The following CEP112 variants were observed in gnomAD, a reference collection of about 807,000 sequenced individuals.
CEP112 encodes the protein centrosomal protein of 112 kDa.
Under a neutral mutation model 153.0 loss-of-function variants are expected in CEP112, and 127 were observed. The ratio of observed to expected loss-of-function variants is 0.83; its 90% CI spans 0.72 to 0.96. The LOEUF is 0.96. CEP112 is among the 40% of genes least tolerant of loss of function. CEP112 has a pLI of 0.00. For missense variants in CEP112, 1,089 were observed against 1,101.2 expected (o/e 0.99, Z 0.16); for synonymous variants, 358 against 374.4 (o/e 0.96, Z 0.51).
chr17:65,916,291 G>GTGTGTGTGTGTGTA (rs1330577334), intron 19 of CEP112, among the ~76,000 whole-genome samples: 2 of 145,540 alleles, frequency 1.4e-5, no homozygotes, highest in African/African-American at 5.1e-5. Flanking sequence ...GTGTGTGTGT[G>GTGTGTGTGTGTGTA]TATGTGTGGT....
At chr17:65,971,185 A>C (rs1472736107) in intron 17 of CEP112, among the ~76,000 whole-genome samples, 1 of 151,964 alleles carries the variant, frequency 6.6e-6, no homozygotes, top group African/African-American at 2.4e-5. Context: ...CATGTACAGC[A>C]CATGCATATC....
chr17:66,061,596 T>A (rs1017464098), intron 11 of CEP112, among the ~76,000 whole-genome samples: 1 of 120,284 alleles, frequency 8.3e-6, no homozygotes, highest in African/African-American at 3.2e-5. Flanking sequence ...ACACACACAC[T>A]GGAATACTAT....
chr17:65,794,641 G>T (rs1380416462), intron 21 of CEP112, among the ~76,000 whole-genome samples: 2 of 152,136 alleles, frequency 1.3e-5, no homozygotes, highest in African/African-American at 4.8e-5. Flanking sequence ...TTAAACATGT[G>T]AACTCCATCA....
At chr17:66,041,029 A>G (rs530839056) in intron 12 of CEP112, among the ~76,000 whole-genome samples, 1 of 151,882 alleles carries the variant, frequency 6.6e-6, no homozygotes, top group Admixed American at 6.6e-5. Context: ...TTCAAGATGC[A>G]TTTTTTCTAT....
chr17:65,875,455 CTG>C (rs1328978971), intron 20 of CEP112, among the ~76,000 whole-genome samples: 1 of 152,112 alleles, frequency 6.6e-6, no homozygotes, highest in Non-Finnish European at 1.5e-5. Flanking sequence ...TTTCAGTTAT[CTG>C]TTTTCAACTC....
intron 16 of CEP112, among the ~76,000 whole-genome samples, chr17:66,022,360 C>T (rs560954479): frequency 6.6e-6 from 1 of 152,170 alleles, no homozygotes; most frequent in East Asian, 1.9e-4. Context: ...ATAGCACCCA[C>T]AAAGGAACAC....
chr17:65,748,076 G>T (rs897319540), intron 22 of CEP112, among the ~76,000 whole-genome samples: 1 of 152,080 alleles, frequency 6.6e-6, no homozygotes, highest in African/African-American at 2.4e-5. Context: ...CCAATCCACA[G>T]TCTTGTTTTA....
At chr17:65,650,906 C>G (rs906646610) in intron 24 of CEP112, among the ~76,000 whole-genome samples, 2 of 151,022 alleles carry the variant, frequency 1.3e-5, no homozygotes, top group Non-Finnish European at 3.0e-5. Context: ...TCTTTTTTTT[C>G]TCTCTTTCTC....
intron 17 of CEP112, among the ~76,000 whole-genome samples, chr17:65,973,814 T>G (rs1331518308): frequency 6.6e-6 from 1 of 152,176 alleles, no homozygotes; most frequent in Non-Finnish European, 1.5e-5. Flanking sequence ...ACGTATATCT[T>G]TTTTGAATTG....
At position 65,936,286 on chromosome 17, in the gene CEP112, AAAGAG is replaced by A. The variant is rs553875178; in HGVS notation, c.1873-8602_1873-8598del. ...AAAGAGAAGCTCAGGACATGATGAAAAAGAGAAGCTTCTCAACAAAGAGAAGCTTC... is the reference window on the plus strand; with the variant it reads ...AAAGAGAAGCTCAGGACATGATGAAAAAGCTTCTCAACAAAGAGAAGCTTC... On this transcript the variant is annotated intron_variant, in intron 18 of 26. Transcript: ENST00000535342. 4.4e-3 allele frequency among the ~76,000 whole-genome samples: 663 copies of A among 152,324 alleles called. 3 individuals carry two copies. The highest frequency in any genetic ancestry group is 0.02 in the Middle Eastern group (6 of 294).
chr17:66,012,696 A>G (rs2064586845), intron 16 of CEP112, among the ~76,000 whole-genome samples: 1 of 151,972 alleles, frequency 6.6e-6, no homozygotes, highest in Non-Finnish European at 1.5e-5. Flanking sequence ...TCTGATAACT[A>G]TGTGTCTTGG....
Position 65,814,861 on chromosome 17 carries a change from T to C in CEP112, c.2394+36943A>G, listed in dbSNP as rs540898017. Among the ~76,000 whole-genome samples, 5 of 152,328 alleles carry C rather than the reference T, an allele frequency of 3.3e-5. No homozygotes were observed. In the East Asian group the frequency reaches 9.6e-4, roughly 29 times the overall value. ...TCTATCTTCTGTGGTGAAGAGCCTA[T>C]TAAACCATTTTCTGATTTTTAAAAG... On this transcript the variant is annotated intron_variant, in intron 21 of 26. Coordinates refer to ENST00000535342, the MANE Select transcript of CEP112 (RefSeq NM_001199165.4).
intron 6 of CEP112, among the ~76,000 whole-genome samples, chr17:66,117,894 C>T (rs2069375391): frequency 6.6e-6 from 1 of 151,994 alleles, no homozygotes; most frequent in African/African-American, 2.4e-5. Flanking sequence ...AAATGGCCAG[C>T]AGGTATATGA....
chr17:66,057,249 A>G (rs1018804810), intron 11 of CEP112, among the ~76,000 whole-genome samples: 1 of 152,192 alleles, frequency 6.6e-6, no homozygotes, highest in Non-Finnish European at 1.5e-5. Context: ...AGGAAGGAAG[A>G]GTGGTAGATA....
chr17:65,691,935 C>T (rs1368460379), intron 23 of CEP112, among the ~76,000 whole-genome samples: 5 of 152,198 alleles, frequency 3.3e-5, no homozygotes, highest in Admixed American at 2.0e-4. Context: ...ACTCCAGCCC[C>T]GCTGAGAGAC....
At chr17:66,093,600 C>G (rs920071973) in intron 8 of CEP112, among the ~76,000 whole-genome samples, 1 of 148,864 alleles carries the variant, frequency 6.7e-6, no homozygotes, top group Non-Finnish European at 1.5e-5. Flanking sequence ...AAAAAAACCA[C>G]TTAGAAATAA....
At chr17:66,139,054 C>G (rs1167691993) in intron 4 of CEP112, among the ~76,000 whole-genome samples, 1 of 151,774 alleles carries the variant, frequency 6.6e-6, no homozygotes, top group Admixed American at 6.6e-5. Context: ...AACCTAGATG[C>G]ACACCTTAAG....
At chr17:65,859,733 G>T (rs916828650) in intron 20 of CEP112, among the ~76,000 whole-genome samples, 4 of 150,906 alleles carry the variant, frequency 2.7e-5, no homozygotes, top group African/African-American at 9.7e-5. Context: ...ACTGGGCCAG[G>T]TGCGGTGGCT....
chr17:65,786,557 T>G (rs888778287), intron 21 of CEP112, among the ~76,000 whole-genome samples: 1 of 151,790 alleles, frequency 6.6e-6, no homozygotes, highest in African/African-American at 2.4e-5. Context: ...AATGCTGTTT[T>G]GTCTTTAGCC....
Sources: allele counts gnomAD v4.1 joint callset (sites outside exome capture counted in the v4.1 genomes callset), GRCh38; gene constraint gnomAD v4.1.1; transcripts MANE v1.5; gene names NCBI Gene and HGNC (gene_info 2026-07-23, HGNC 2026-07-21).